Variants in ATP6V1A observed in about 807,000 individuals in gnomAD.
ATP6V1A encodes V-type proton ATPase catalytic subunit A.
Under a neutral mutation model 70.1 loss-of-function variants are expected in ATP6V1A, and 18 were observed. The ratio of observed to expected loss-of-function variants is 0.26; its 90% confidence interval spans 0.18 to 0.38. The LOEUF is 0.38. Among genes scored for constraint, ATP6V1A ranks in the 10% least tolerant of loss-of-function variants. The pLI is 1.00. For missense variants in ATP6V1A, 424 were observed against 772.4 expected, an observed-to-expected ratio of 0.55 and a Z score of 5.35; for synonymous variants, 232 against 253.8, an observed-to-expected ratio of 0.91 and a Z score of 0.82.
chr3:113,805,120 T>C (rs1709260415), intron 13 of ATP6V1A, among the ~76,000 whole-genome samples: 2 of 152,198 alleles, frequency 1.3e-5, no homozygotes, highest in South Asian at 2.1e-4. Context: ...TTAAAATAAA[T>C]ACAAGAATAT....
chr3:113,774,529 C>T (rs1201129415), intron 1 of ATP6V1A, among the ~76,000 whole-genome samples: 1 of 151,854 alleles, frequency 6.6e-6, no homozygotes, highest in Non-Finnish European at 1.5e-5. Flanking sequence ...TAAAAGGAAG[C>T]ATTTGCTGGG....
chr3:113,760,438 C>T (rs1327236540), intron 1 of ATP6V1A, among the ~76,000 whole-genome samples: 2 of 152,208 alleles, frequency 1.3e-5, no homozygotes, highest in South Asian at 4.1e-4. Flanking sequence ...ATTAAATAAA[C>T]GAGAGGATGG....
chr3:113,772,369 G>A (rs549228081), intron 1 of ATP6V1A, among the ~76,000 whole-genome samples: 2 of 152,288 alleles, frequency 1.3e-5, no homozygotes, highest in East Asian at 1.9e-4. Context: ...AACATTCTAG[G>A]GAGGAGCACA....
At chr3:113,782,854 C>T (rs768260890) in intron 3 of ATP6V1A, among the ~76,000 whole-genome samples, 2 of 151,790 alleles carry the variant, frequency 1.3e-5, no homozygotes, top group African/African-American at 4.8e-5. Context: ...GAACTCCTGA[C>T]CTCACGATCC....
intron 14 of ATP6V1A, among the ~76,000 whole-genome samples, chr3:113,806,162 A>G (rs1709273908): frequency 6.6e-6 from 1 of 152,110 alleles, no homozygotes; most frequent in Non-Finnish European, 1.5e-5. Flanking sequence ...AGTCTCAGCT[A>G]TCTGGGAGGC....
chr3:113,795,301 C>G (rs1709142208), intron 10 of ATP6V1A, 97 bp downstream of exon 10: 1 of 1,315,568 alleles, frequency 7.6e-7, no homozygotes, highest in Non-Finnish European at 1.0e-6. Flanking sequence ...GAATATTTAG[C>G]TCCCGCTGGG....
In ATP6V1A at chr3:113,784,793, C is replaced by T; in HGVS notation, c.524C>T (p.Thr175Ile). 1 of 1,614,114 alleles carries T rather than the reference C, an allele frequency of 6.2e-7. No individual in the cohort carries two copies. Among genetic ancestry groups the T allele is most frequent in the South Asian group, 1.1e-5 (1 of 91,086 alleles). ...KIMLPPRNRG[T>I]VTYIAPPGNY... ...ATGTTACCCCCACGAAACAGAGGAACTGTAACTTACATTGCTCCACCTGGG... is the reference window on the plus strand; with the variant it reads ...ATGTTACCCCCACGAAACAGAGGAATTGTAACTTACATTGCTCCACCTGGG... The change falls in exon 5 of 15, where the codon ACT (threonine) becomes ATT (isoleucine). Residue 175 changes from threonine to isoleucine, a missense_variant. Transcript: ENST00000273398.
chr3:113,795,603 TA>T (rs1709145214), intron 10 of ATP6V1A, among the ~76,000 whole-genome samples: 1 of 151,968 alleles, frequency 6.6e-6, no homozygotes, highest in Non-Finnish European at 1.5e-5. Flanking sequence ...ATTAGAATAA[TA>T]AAATTGATTA....
Position 113,811,020 on chromosome 3 carries a change from T to G in ATP6V1A, c.*1593T>G, listed in dbSNP as rs1039798272. 1 of 152,216 alleles carries G rather than the reference T, an allele frequency of 6.6e-6. No individual in the cohort carries two copies. Among genetic ancestry groups the G allele is most frequent in the Admixed American group, 6.5e-5 (1 of 15,280 alleles). The allele number at this position is 152,216 out of a possible 1,614,324, so 9.4% of individuals were successfully genotyped here. A position where few individuals can be genotyped will look rare whatever the true frequency, so the allele number is the denominator to read the frequency against. On this transcript the variant is annotated 3_prime_UTR_variant, in exon 15 of 15. Transcript: ENST00000273398. ...TTTTATCCGTCTTTTAAGTATATGT[T>G]TAAAATAATAATTTATGTGTCTGCA...
At chr3:113,781,244 A>G (rs1708973671) in intron 3 of ATP6V1A, 66 bp downstream of exon 3, 5 of 1,513,944 alleles carry the variant, frequency 3.3e-6, no homozygotes, top group African/African-American at 2.8e-5. Context: ...TAGGCCAGGC[A>G]TAGTGCCTCA....
intron 8 of ATP6V1A, among the ~76,000 whole-genome samples, chr3:113,792,803 T>C (rs1395442203): frequency 1.3e-5 from 2 of 152,242 alleles, no homozygotes; most frequent in Non-Finnish European, 2.9e-5. Flanking sequence ...GTTCTTATGA[T>C]AATTATCAAA....
At chr3:113,780,197 G>A (rs1708962730) in intron 2 of ATP6V1A, among the ~76,000 whole-genome samples, 1 of 152,144 alleles carries the variant, frequency 6.6e-6, no homozygotes, top group Non-Finnish European at 1.5e-5. Context: ...AGTCTTCATT[G>A]TTTTTACACA....
chr3:113,803,271 A>C, intron 12 of ATP6V1A: 1 of 205,864 alleles, frequency 4.9e-6, no homozygotes, highest in Non-Finnish European at 9.6e-6. Context: ...GGAGGAGAGA[A>C]AGGACAGTTA....
At chr3:113,793,777 G>A (rs759157828) in intron 8 of ATP6V1A, among the ~76,000 whole-genome samples, 3 of 151,976 alleles carry the variant, frequency 2.0e-5, no homozygotes, top group Non-Finnish European at 2.9e-5. Context: ...GGAAAGTACT[G>A]AATTTTCCAC....
At chr3:113,752,114 C>G (rs1320352720) in intron 1 of ATP6V1A, among the ~76,000 whole-genome samples, 2 of 151,796 alleles carry the variant, frequency 1.3e-5, no homozygotes, top group Non-Finnish European at 3.0e-5. Context: ...AAAATTTTAT[C>G]TGCAACATGC....
intron 1 of ATP6V1A, among the ~76,000 whole-genome samples, chr3:113,758,924 A>T (rs181410986): frequency 1.5e-3 from 222 of 152,316 alleles, no homozygotes; most frequent in Non-Finnish European, 2.5e-3. Context: ...CTAGTGACTA[A>T]TGAGCTTAAG....
At chr3:113,747,236 C>T (rs925992712) in intron 1 of ATP6V1A, 123 bp downstream of exon 1, 1 of 152,278 alleles carries the variant, frequency 6.6e-6, no homozygotes, top group Admixed American at 6.5e-5. Flanking sequence ...CCGCTGTCAC[C>T]CTGCACCGGC....
intron 12 of ATP6V1A, among the ~76,000 whole-genome samples, chr3:113,798,726 G>T (rs551074959): frequency 1.4e-3 from 208 of 152,232 alleles, no homozygotes; most frequent in Middle Eastern, 3.4e-3. Context: ...ATACATTTTT[G>T]TAGGAATGCT....
At chr3:113,795,301 C>A in intron 10 of ATP6V1A, 97 bp downstream of exon 10, 2 of 1,315,566 alleles carry the variant, frequency 1.5e-6, no homozygotes, top group Non-Finnish European at 1.0e-6. Context: ...GAATATTTAG[C>A]TCCCGCTGGG....
Sources: gnomAD v4.1 joint callset for allele counts (sites outside exome capture counted in the v4.1 genomes callset) on GRCh38, gnomAD v4.1.1 for gene constraint, MANE v1.5 for transcripts, NCBI Gene and HGNC (gene_info 2026-07-23, HGNC 2026-07-21) for gene names.